Variants in CACNA2D1 observed in about 807,000 individuals in gnomAD.
CACNA2D1 encodes the protein calcium voltage-gated channel auxiliary subunit alpha2delta 1.
A neutral mutation model predicts 171.5 loss-of-function variants in CACNA2D1; 53 were observed. The ratio of observed to expected loss-of-function variants is 0.31; its 90% confidence interval spans 0.25 to 0.39. The LOEUF is 0.39. Ranked by LOEUF, CACNA2D1 falls within the 10% of genes least tolerant of loss-of-function variation. CACNA2D1 has a pLI of 1.00. For synonymous variants in CACNA2D1, 442 were observed against 443.1 expected, an observed-to-expected ratio of 1.00 and a Z score of 0.03; for missense variants, 903 against 1,299.8, an observed-to-expected ratio of 0.69 and a Z score of 4.69.
Position 81,994,913 on chromosome 7 carries a change from T to C in CACNA2D1, c.1689A>G (p.Glu563=). The C allele has an allele frequency of 1.3e-6, 2 of 1,551,190 alleles. No individual in the cohort carries two copies. The highest frequency in any genetic ancestry group is 2.3e-5 in the East Asian group (1 of 44,362). Residue 563 remains glutamate (E), a synonymous_variant, in exon 20 of 39, where the codon GAA becomes GAG. Transcript: ENST00000356860. ...VEIRNKMIDG[E]SGEKTFRTLV... Reference sequence around the variant, plus strand: ...GAGTTCTGAATGTTTTTTCTCCACTTTCCCCATCAATCATCTTATTTCGAA... The same window carrying C: ...GAGTTCTGAATGTTTTTTCTCCACTCTCCCCATCAATCATCTTATTTCGAA...
At chr7:82,185,554 G>GA (rs1797647438) in intron 3 of CACNA2D1, among the ~76,000 whole-genome samples, 1 of 76,006 alleles carries the variant, frequency 1.3e-5, no homozygotes, top group African/African-American at 5.3e-5. Flanking sequence ...GGAGGGGGAG[G>GA]AGGGGGAGGG....
chr7:82,185,521 G>C (rs1458870731), intron 3 of CACNA2D1, among the ~76,000 whole-genome samples: 1 of 41,350 alleles, frequency 2.4e-5, no homozygotes, highest in African/African-American at 8.7e-5. Flanking sequence ...GGAGGAGGGG[G>C]AGGAGGAGGA....
intron 3 of CACNA2D1, among the ~76,000 whole-genome samples, chr7:82,247,544 A>G (rs988004075): frequency 6.6e-6 from 1 of 152,084 alleles, no homozygotes. Context: ...AAAAGGCCCA[A>G]TCCTTCTCAC....
chr7:82,032,503 A>T (rs1424350424), intron 12 of CACNA2D1, among the ~76,000 whole-genome samples: 2 of 151,648 alleles, frequency 1.3e-5, no homozygotes, highest in Non-Finnish European at 2.9e-5. Flanking sequence ...CATTCCTTTG[A>T]TTTCTCTATT....
chr7:82,312,737 T>C (rs1271362722), intron 3 of CACNA2D1, among the ~76,000 whole-genome samples: 4 of 151,858 alleles, frequency 2.6e-5, no homozygotes, highest in Non-Finnish European at 4.4e-5. Flanking sequence ...TTTTGCCATG[T>C]TGGCCAGGCT....
chr7:82,161,433 G>T lies in CACNA2D1; in HGVS notation c.354+9117C>A, dbSNP rs147663333. The stretch of plus-strand genomic sequence containing the variant: ...TTCATAATTTGATTAATAATCTCAA[G>T]ATTATGCTGCCTGCAGGATATGAAT... On this transcript the variant is annotated intron_variant, in intron 4 of 38. Transcript: ENST00000356860. Among the ~76,000 whole-genome samples the T allele has an allele frequency of 5.2e-3, 794 of 152,148 alleles. 3 individuals carry two copies. Among genetic ancestry groups the T allele is most frequent in the Non-Finnish European group, 8.9e-3 (605 of 67,966 alleles).
intron 3 of CACNA2D1, among the ~76,000 whole-genome samples, chr7:82,178,907 G>A (rs1457607135): frequency 3.9e-5 from 6 of 152,046 alleles, no homozygotes; most frequent in Non-Finnish European, 8.8e-5. Context: ...GAACAGTGTA[G>A]GCATTCAGTA....
chr7:82,124,246 C>T (rs1041057633), intron 5 of CACNA2D1, among the ~76,000 whole-genome samples: 4 of 152,100 alleles, frequency 2.6e-5, no homozygotes, highest in Middle Eastern at 3.4e-3. Context: ...TTTTCTAGAA[C>T]TAAATCAAAA....
At chr7:82,001,133 G>A (rs555404204) in intron 18 of CACNA2D1, among the ~76,000 whole-genome samples, 18 of 152,030 alleles carry the variant, frequency 1.2e-4, no homozygotes, top group South Asian at 6.2e-4. Flanking sequence ...AAAAGCTTTC[G>A]CAATGAGTTT....
intron 1 of CACNA2D1, among the ~76,000 whole-genome samples, chr7:82,379,804 G>C (rs1349169935): frequency 6.6e-6 from 1 of 151,920 alleles, no homozygotes; most frequent in African/African-American, 2.4e-5. Context: ...GAAATCTATG[G>C]GAATTATCTC....
intron 3 of CACNA2D1, among the ~76,000 whole-genome samples, chr7:82,204,358 T>C (rs1799799687): frequency 6.6e-6 from 1 of 152,162 alleles, no homozygotes; most frequent in Non-Finnish European, 1.5e-5. Context: ...CACAGGCCCA[T>C]ATGCGGCCAG....
intron 6 of CACNA2D1, among the ~76,000 whole-genome samples, chr7:82,086,064 C>A (rs1226931112): frequency 6.6e-6 from 1 of 152,124 alleles, no homozygotes; most frequent in Non-Finnish European, 1.5e-5. Context: ...TTGCATTTGA[C>A]AATCTCTGAC....
chr7:81,961,114 C>T (rs1330438149), intron 36 of CACNA2D1, among the ~76,000 whole-genome samples: 1 of 151,786 alleles, frequency 6.6e-6, no homozygotes, highest in Non-Finnish European at 1.5e-5. Flanking sequence ...GCTATGGTAA[C>T]ATTTCTTCTA....
At chr7:82,049,971 G>T (rs528903084) in intron 10 of CACNA2D1, among the ~76,000 whole-genome samples, 1 of 152,064 alleles carries the variant, frequency 6.6e-6, no homozygotes, top group Non-Finnish European at 1.5e-5. Flanking sequence ...TAGCACTGGG[G>T]GATAGAAATT....
chr7:82,165,039 G>T (rs1442463075), intron 4 of CACNA2D1, among the ~76,000 whole-genome samples: 1 of 151,896 alleles, frequency 6.6e-6, no homozygotes, highest in Admixed American at 6.6e-5. Context: ...GCTCTGCATG[G>T]CTGAAATTTT....
chr7:81,948,297 T>A lies in CACNA2D1; in HGVS notation c.*2095A>T, dbSNP rs1792201755. 1 of 151,790 alleles carries A rather than the reference T, an allele frequency of 6.6e-6. No individual in the cohort carries two copies. The highest frequency in any genetic ancestry group is 6.6e-5 in the Admixed American group (1 of 15,228). The allele number at this position is 151,790 out of a possible 1,614,324, so 9.4% of individuals were successfully genotyped here. On this transcript the variant is annotated 3_prime_UTR_variant, in exon 39 of 39. Transcript: ENST00000356860. ...AAAACATTGTTACTAGAGTGAGAAG[T>A]TTTTTTCCCCACATATATTTTAAAT...
chr7:82,032,406 T>C (rs894837330), intron 12 of CACNA2D1, among the ~76,000 whole-genome samples: 5 of 151,784 alleles, frequency 3.3e-5, no homozygotes, highest in Non-Finnish European at 7.4e-5. Flanking sequence ...TTTAGGAAAT[T>C]TGAGTATTAC....
At chr7:82,068,010 C>T (rs7782972) in intron 7 of CACNA2D1, among the ~76,000 whole-genome samples, 70,024 of 151,990 alleles carry the variant, frequency 0.46, 17,882 homozygotes, top group African/African-American at 0.69. Context: ...CAAGGTTTGC[C>T]TGCAAATGAT....
intron 3 of CACNA2D1, among the ~76,000 whole-genome samples, chr7:82,174,795 G>A (rs938498740): frequency 7.2e-5 from 11 of 152,058 alleles, no homozygotes; most frequent in Non-Finnish European, 8.8e-5. Flanking sequence ...CAAATCCTGG[G>A]AGATTATTGC....
Sources: gnomAD v4.1 joint callset for allele counts (sites outside exome capture counted in the v4.1 genomes callset) on GRCh38, gnomAD v4.1.1 for gene constraint, MANE v1.5 for transcripts, NCBI Gene and HGNC (gene_info 2026-07-23, HGNC 2026-07-21) for gene names.